CLDN20: variants seen among roughly 807,000 people sequenced by gnomAD.
CLDN20 encodes claudin 20.
For missense variants in CLDN20, 258 were observed against 267.9 expected (o/e 0.96, Z 0.26); for synonymous variants, 104 against 103.6 (o/e 1.00, Z -0.03).
At chr6:155,274,882 TTTA>T (rs1785096116) in intron 1 of CLDN20, among the ~76,000 whole-genome samples, 1 of 152,244 alleles carries the variant, frequency 6.6e-6, no homozygotes, top group African/African-American at 2.4e-5. Flanking sequence ...GTGGCCTTAA[TTTA>T]TTTTCTTCCT....
intron 1 of CLDN20, among the ~76,000 whole-genome samples, chr6:155,265,086 A>G (rs1784565898): frequency 6.6e-6 from 1 of 152,230 alleles, no homozygotes; most frequent in Non-Finnish European, 1.5e-5. Flanking sequence ...GTGTCTGTGA[A>G]GCAGCAGCAT....
chr6:155,275,221 A>T (rs1263681325), intron 1 of CLDN20, among the ~76,000 whole-genome samples: 1 of 152,132 alleles, frequency 6.6e-6, no homozygotes, highest in Admixed American at 6.6e-5. Context: ...GTGAGACTCC[A>T]TCTCAAAAAA....
chr6:155,268,986 TA>T (rs34268254), intron 1 of CLDN20, among the ~76,000 whole-genome samples: 79,505 of 128,268 alleles, frequency 0.62, 24,555 homozygotes, highest in East Asian at 0.96. Flanking sequence ...ATTAAAAAAT[TA>T]AAAAAAAAAA....
chr6:155,276,174 T>G lies in CLDN20; in HGVS notation c.455T>G (p.Val152Gly), dbSNP rs1485405144. 2.5e-6 allele frequency: 4 copies of G among 1,613,820 alleles called. No individual in the cohort carries two copies. Among genetic ancestry groups the G allele is most frequent in the Non-Finnish European group, 3.4e-6 (4 of 1,179,852 alleles). The change falls in exon 2 of 2, where the codon GTT becomes GGT. Residue 152 changes from valine (V) to glycine (G), a missense_variant. Transcript: ENST00000367165. ...EIIANFLDLT[V>G]PESNKHEPGG... is the part of the protein sequence containing the mutation. ...ATAGCAAACTTTCTGGATCTGACAG[T>G]TCCAGAAAGCAACAAACATGAACCT...
intron 1 of CLDN20, among the ~76,000 whole-genome samples, chr6:155,272,732 A>T (rs1344830952): frequency 6.6e-6 from 1 of 152,164 alleles, no homozygotes; most frequent in Non-Finnish European, 1.5e-5. Flanking sequence ...AAAAAAAAGC[A>T]TTTGAATCCA....
intron 1 of CLDN20, among the ~76,000 whole-genome samples, chr6:155,269,350 C>G (rs1784822134): frequency 8.2e-6 from 1 of 121,350 alleles, no homozygotes; most frequent in Admixed American, 1.1e-4. Flanking sequence ...GAGATGGAGT[C>G]TCGCTCTGTC....
intron 1 of CLDN20, among the ~76,000 whole-genome samples, chr6:155,266,294 C>T (rs144184886): frequency 2.3e-4 from 35 of 152,270 alleles, no homozygotes; most frequent in African/African-American, 7.5e-4. Flanking sequence ...ATAAAAGCCA[C>T]TGGGTTGGGC....
intron 1 of CLDN20, among the ~76,000 whole-genome samples, chr6:155,271,243 G>T (rs1784901299): frequency 6.6e-6 from 1 of 152,092 alleles, no homozygotes; most frequent in Non-Finnish European, 1.5e-5. Context: ...ATAGCTTGTA[G>T]AATAAAACTT....
chr6:155,269,850 T>C (rs1371968061), intron 1 of CLDN20, among the ~76,000 whole-genome samples: 2 of 152,246 alleles, frequency 1.3e-5, no homozygotes, highest in South Asian at 2.1e-4. Context: ...TAACATTATA[T>C]ACTTAAAGTC....
chr6:155,273,519 G>A (rs1353192456), intron 1 of CLDN20, among the ~76,000 whole-genome samples: 4 of 152,204 alleles, frequency 2.6e-5, no homozygotes, highest in African/African-American at 9.6e-5. Flanking sequence ...ATCTGAAGCT[G>A]AGCCATGTGG....
chr6:155,265,263 C>G (rs767040765), intron 1 of CLDN20, among the ~76,000 whole-genome samples: 1 of 152,232 alleles, frequency 6.6e-6, no homozygotes, highest in East Asian at 1.9e-4. Flanking sequence ...TCCTGAGCAA[C>G]TCCCGTCCCT....
intron 1 of CLDN20, among the ~76,000 whole-genome samples, chr6:155,266,317 G>A (rs1031695196): frequency 1.5e-4 from 23 of 152,118 alleles, no homozygotes; most frequent in Non-Finnish European, 3.1e-4. Context: ...GAGCCTCTTG[G>A]GGCTTTTCCA....
At chr6:155,273,037 ACCCC>A in intron 1 of CLDN20, among the ~76,000 whole-genome samples, 1 of 152,330 alleles carries the variant, frequency 6.6e-6, no homozygotes. Context: ...TGTTCCAGCA[ACCCC>A]ACACTTGAAG....
chr6:155,270,907 C>T (rs1562394053), intron 1 of CLDN20, among the ~76,000 whole-genome samples: 1 of 152,178 alleles, frequency 6.6e-6, no homozygotes, highest in African/African-American at 2.4e-5. Flanking sequence ...GTTTGTATTT[C>T]CCATGAAATA....
intron 1 of CLDN20, among the ~76,000 whole-genome samples, chr6:155,265,365 G>A (rs1784582010): frequency 6.6e-6 from 1 of 152,170 alleles, no homozygotes; most frequent in African/African-American, 2.4e-5. Context: ...TTAAAAGACT[G>A]AGAAATAGAA....
chr6:155,268,712 G>A (rs909477659), intron 1 of CLDN20, among the ~76,000 whole-genome samples: 94 of 151,832 alleles, frequency 6.2e-4, no homozygotes, highest in African/African-American at 2.2e-3. Context: ...ATTAAGGGCG[G>A]TGCAAGATGT....
At chr6:155,275,222 T>A (rs778508619) in intron 1 of CLDN20, among the ~76,000 whole-genome samples, 1 of 151,952 alleles carries the variant, frequency 6.6e-6, no homozygotes, top group Non-Finnish European at 1.5e-5. Flanking sequence ...TGAGACTCCA[T>A]CTCAAAAAAA....
intron 1 of CLDN20, among the ~76,000 whole-genome samples, chr6:155,269,286 T>C (rs1407554371): frequency 5.9e-5 from 9 of 151,634 alleles, no homozygotes; most frequent in Admixed American, 5.2e-4. Flanking sequence ...TAGTCAAAAG[T>C]TACTTCTCTG....
chr6:155,273,548 A>T (rs1209567754), intron 1 of CLDN20, among the ~76,000 whole-genome samples: 1 of 152,196 alleles, frequency 6.6e-6, no homozygotes, highest in East Asian at 1.9e-4. Context: ...CATCCTCTAC[A>T]GTCCTTTTTT....
Sources: gnomAD v4.1 joint callset for allele counts (sites outside exome capture counted in the v4.1 genomes callset) on GRCh38, gnomAD v4.1.1 for gene constraint, MANE v1.5 for transcripts, NCBI Gene and HGNC (gene_info 2026-07-23, HGNC 2026-07-21) for gene names.